The following NRXN3 variants were observed in gnomAD, a reference collection of about 807,000 sequenced individuals.
NRXN3 encodes neurexin 3.
A neutral mutation model predicts 137.6 loss-of-function variants in NRXN3; 32 were observed. The ratio of observed to expected loss-of-function variants is 0.23; its 90% CI spans 0.18 to 0.31. The LOEUF (loss-of-function observed/expected upper bound fraction) is 0.31, where lower values mean the gene tolerates loss of function less well. Among genes scored for constraint, NRXN3 ranks in the 10% least tolerant of loss-of-function variants. NRXN3 has a pLI of 1.00. For missense variants in NRXN3, 1,574 were observed against 2,062.5 expected (o/e 0.76, Z 4.59); for synonymous variants, 798 against 784.5 (o/e 1.02, Z -0.29).
intron 8 of NRXN3, among the ~76,000 whole-genome samples, chr14:78,774,035 C>T (rs942084665): frequency 5.9e-5 from 9 of 152,140 alleles, no homozygotes; most frequent in African/African-American, 1.9e-4. Flanking sequence ...CTCTGGACCT[C>T]GTGATCAACC....
chr14:79,806,938 T>TATATA (rs2099208321), intron 20 of NRXN3, among the ~76,000 whole-genome samples: 2 of 58,046 alleles, frequency 3.4e-5, no homozygotes, highest in Non-Finnish European at 3.0e-5. Flanking sequence ...GGCTTTAATT[T>TATATA]TATATATATA....
At chr14:78,935,762 C>A (rs772885950) in intron 10 of NRXN3, among the ~76,000 whole-genome samples, 13 of 152,102 alleles carry the variant, frequency 8.5e-5, no homozygotes, top group Non-Finnish European at 1.6e-4. Context: ...CTTTCTCAAA[C>A]CCAGCTCTTC....
intron 4 of NRXN3, among the ~76,000 whole-genome samples, chr14:78,585,940 A>T (rs1288927006): frequency 6.6e-6 from 1 of 152,180 alleles, no homozygotes; most frequent in Non-Finnish European, 1.5e-5. Flanking sequence ...TGCTATTTAG[A>T]GGCTTGAGAC....
intron 14 of NRXN3, among the ~76,000 whole-genome samples, chr14:78,984,615 A>C (rs969549907): frequency 2.0e-5 from 3 of 152,190 alleles, no homozygotes; most frequent in African/African-American, 7.2e-5. Flanking sequence ...GTATTAAGGC[A>C]GTGGTCCAGG....
intron 17 of NRXN3, among the ~76,000 whole-genome samples, chr14:79,691,021 A>G (rs945828345): frequency 3.3e-5 from 5 of 152,116 alleles, no homozygotes; most frequent in Non-Finnish European, 7.4e-5. Context: ...ATGAATTACA[A>G]TTCACTAATT....
At chr14:78,735,582 T>C (rs2098537643) in intron 8 of NRXN3, among the ~76,000 whole-genome samples, 1 of 152,104 alleles carries the variant, frequency 6.6e-6, no homozygotes, top group Non-Finnish European at 1.5e-5. Flanking sequence ...GGATGAGCAA[T>C]TGTGAACACT....
chr14:78,977,313 TTCTAGA>T (rs1257619460), intron 14 of NRXN3, among the ~76,000 whole-genome samples: 5 of 152,150 alleles, frequency 3.3e-5, no homozygotes, highest in Non-Finnish European at 7.4e-5. Flanking sequence ...TTTCGAAAAG[TTCTAGA>T]TAATATTTGC....
At chr14:78,178,889 A>G (rs1265262041) in intron 1 of NRXN3, among the ~76,000 whole-genome samples, 1 of 152,046 alleles carries the variant, frequency 6.6e-6, no homozygotes, top group Non-Finnish European at 1.5e-5. Flanking sequence ...ACTGGGGGTA[A>G]AAGAGGAAAT....
intron 4 of NRXN3, among the ~76,000 whole-genome samples, chr14:78,377,215 G>T (rs2088037719): frequency 6.6e-6 from 1 of 152,040 alleles, no homozygotes; most frequent in African/African-American, 2.4e-5. Flanking sequence ...AAAATGATAG[G>T]AAAATATATA....
intron 4 of NRXN3, among the ~76,000 whole-genome samples, chr14:78,309,087 A>G (rs2077665822): frequency 6.6e-6 from 1 of 152,130 alleles, no homozygotes; most frequent in Non-Finnish European, 1.5e-5. Flanking sequence ...TAGACTTATT[A>G]AACCTATTTG....
At chr14:79,566,635 A>G (rs1168107670) in intron 16 of NRXN3, among the ~76,000 whole-genome samples, 1 of 152,142 alleles carries the variant, frequency 6.6e-6, no homozygotes, top group Non-Finnish European at 1.5e-5. Context: ...CATTTTCAGT[A>G]TGAAATGATG....
At chr14:78,939,138 C>T (rs555376770) in intron 10 of NRXN3, among the ~76,000 whole-genome samples, 11 of 152,178 alleles carry the variant, frequency 7.2e-5, no homozygotes, top group African/African-American at 2.6e-4. Context: ...AGCCACCGCG[C>T]CCGGCCCAGA....
chr14:79,154,414 A>C (rs972708064), intron 15 of NRXN3, among the ~76,000 whole-genome samples: 17 of 151,968 alleles, frequency 1.1e-4, no homozygotes, highest in Non-Finnish European at 2.2e-4. Flanking sequence ...GTTTTCTGAG[A>C]GTGAAATCTT....
intron 19 of NRXN3, among the ~76,000 whole-genome samples, chr14:79,765,848 A>C (rs548709560): frequency 1.3e-5 from 2 of 152,326 alleles, no homozygotes; most frequent in East Asian, 3.9e-4. Context: ...TACTTTTTAC[A>C]TTCTTTTTTC....
chr14:78,842,332 G>T (rs1408330861), intron 10 of NRXN3, among the ~76,000 whole-genome samples: 1 of 152,002 alleles, frequency 6.6e-6, no homozygotes, highest in African/African-American at 2.4e-5. Flanking sequence ...TGGGTGTCCG[G>T]GGGAGACATC....
intron 16 of NRXN3, among the ~76,000 whole-genome samples, chr14:79,606,173 C>G (rs1337570688): frequency 1.3e-5 from 2 of 152,154 alleles, no homozygotes; most frequent in South Asian, 2.1e-4. Context: ...AATGTGCAGC[C>G]GGTCCACCTC....
intron 8 of NRXN3, among the ~76,000 whole-genome samples, chr14:78,718,726 T>C (rs2098445905): frequency 6.6e-6 from 1 of 152,204 alleles, no homozygotes. Context: ...TTCAGCATAA[T>C]CTGTTGCTAT....
chr14:78,340,776 A>T (rs1439025987), intron 4 of NRXN3, among the ~76,000 whole-genome samples: 1 of 152,208 alleles, frequency 6.6e-6, no homozygotes, highest in African/African-American at 2.4e-5. Context: ...GGTCAAAGCA[A>T]GTCTAAAGGC....
At chr14:78,457,210 T>G (rs1000207531) in intron 4 of NRXN3, among the ~76,000 whole-genome samples, 2 of 152,078 alleles carry the variant, frequency 1.3e-5, no homozygotes, top group Admixed American at 6.6e-5. Flanking sequence ...AGCTAATTGT[T>G]GTATTTTTAG....
Sources: gnomAD v4.1 joint callset for allele counts (sites outside exome capture counted in the v4.1 genomes callset) on GRCh38, gnomAD v4.1.1 for gene constraint, MANE v1.5 for transcripts, NCBI Gene and HGNC (gene_info 2026-07-23, HGNC 2026-07-21) for gene names.